The following ATXN1 variants were observed in gnomAD, a reference collection of about 807,000 sequenced individuals.
ATXN1 encodes the protein ataxin 1.
In ATXN1, 8 loss-of-function variants were observed where a neutral mutation model predicts 56.4. That is an observed-to-expected ratio of 0.14 (90% CI 0.08 to 0.26). The LOEUF (loss-of-function observed/expected upper bound fraction) is 0.26, where lower values mean the gene tolerates loss of function less well. Ranked by LOEUF, ATXN1 falls within the 10% of genes least tolerant of loss-of-function variation. ATXN1 has a pLI of 1.00. For synonymous variants in ATXN1, 514 were observed against 494.6 expected, an observed-to-expected ratio of 1.04 and a Z score of -0.52; for missense variants, 987 against 1,106.5, an observed-to-expected ratio of 0.89 and a Z score of 1.53.
intron 2 of ATXN1, among the ~76,000 whole-genome samples, chr6:16,672,070 C>T (rs185825480): frequency 6.6e-6 from 1 of 152,262 alleles, no homozygotes; most frequent in African/African-American, 2.4e-5. Flanking sequence ...TGGGCCCCAC[C>T]CCTGACCTAT....
chr6:16,407,101 G>A (rs922079135), intron 6 of ATXN1, among the ~76,000 whole-genome samples: 3 of 152,168 alleles, frequency 2.0e-5, no homozygotes, highest in Admixed American at 6.5e-5. Context: ...AGTTCACAGC[G>A]GCAGGAGACT....
At chr6:16,715,844 A>G (rs975887010) in intron 2 of ATXN1, among the ~76,000 whole-genome samples, 1 of 152,148 alleles carries the variant, frequency 6.6e-6, no homozygotes, top group African/African-American at 2.4e-5. Flanking sequence ...TACTTTTCCA[A>G]CTAGATTTCC....
At chr6:16,384,416 C>T (rs1487178935) in intron 6 of ATXN1, among the ~76,000 whole-genome samples, 1 of 152,188 alleles carries the variant, frequency 6.6e-6, no homozygotes, top group Non-Finnish European at 1.5e-5. Context: ...TATTCATTCC[C>T]ACTTCAGTTC....
At chr6:16,539,616 C>A (rs1239190590) in intron 4 of ATXN1, among the ~76,000 whole-genome samples, 1 of 152,162 alleles carries the variant, frequency 6.6e-6, no homozygotes, top group Non-Finnish European at 1.5e-5. Flanking sequence ...GCCATCATTT[C>A]TTTAAAACTA....
intron 7 of ATXN1, among the ~76,000 whole-genome samples, chr6:16,319,082 G>A (rs1581685932): frequency 6.6e-6 from 1 of 152,158 alleles, no homozygotes; most frequent in African/African-American, 2.4e-5. Context: ...GCTGGGCGTG[G>A]TGGTGTGTAC....
chr6:16,682,369 G>A (rs1478673399), intron 2 of ATXN1, among the ~76,000 whole-genome samples: 1 of 151,910 alleles, frequency 6.6e-6, no homozygotes, highest in Admixed American at 6.6e-5. Flanking sequence ...GCTAATTTTT[G>A]TATTTTTAGT....
intron 6 of ATXN1, among the ~76,000 whole-genome samples, chr6:16,330,613 C>T (rs1760965827): frequency 6.6e-6 from 1 of 152,084 alleles, no homozygotes; most frequent in Admixed American, 6.5e-5. Flanking sequence ...TGGTCTTGAA[C>T]AGGCCTCAGT....
intron 6 of ATXN1, among the ~76,000 whole-genome samples, chr6:16,346,009 G>A (rs191704397): frequency 6.6e-6 from 1 of 152,312 alleles, no homozygotes; most frequent in East Asian, 1.9e-4. Flanking sequence ...GAGGCACACT[G>A]TCAAATTGAC....
At chr6:16,411,058 G>A (rs1428240234) in intron 6 of ATXN1, among the ~76,000 whole-genome samples, 1 of 150,008 alleles carries the variant, frequency 6.7e-6, no homozygotes, top group African/African-American at 2.5e-5. Context: ...CTGGGAGGCG[G>A]AGGTTGCAGT....
intron 6 of ATXN1, among the ~76,000 whole-genome samples, chr6:16,436,677 T>C (rs538317381): frequency 6.6e-6 from 1 of 151,916 alleles, no homozygotes; most frequent in African/African-American, 2.4e-5. Flanking sequence ...CGAGGTGGTG[T>C]TCCTGGCACT....
intron 2 of ATXN1, among the ~76,000 whole-genome samples, chr6:16,723,427 C>T (rs1235931551): frequency 6.6e-6 from 1 of 152,142 alleles, no homozygotes. Flanking sequence ...ACTATAAAAA[C>T]TAAGCTACAA....
At chr6:16,706,584 G>A (rs1263767669) in intron 2 of ATXN1, among the ~76,000 whole-genome samples, 1 of 152,062 alleles carries the variant, frequency 6.6e-6, no homozygotes, top group African/African-American at 2.4e-5. Flanking sequence ...AATGGTCCGT[G>A]CGTGGTAGTG....
intron 3 of ATXN1, among the ~76,000 whole-genome samples, chr6:16,638,026 A>G (rs1033048771): frequency 4.0e-4 from 61 of 152,214 alleles, no homozygotes; most frequent in African/African-American, 1.5e-3. Flanking sequence ...TGTTTTAATT[A>G]ATGCATACAT....
chr6:16,668,216 A>C (rs1330350319), intron 2 of ATXN1, among the ~76,000 whole-genome samples: 1 of 151,866 alleles, frequency 6.6e-6, no homozygotes, highest in African/African-American at 2.4e-5. Context: ...TTTTATTACT[A>C]AAGTTTTAGG....
intron 6 of ATXN1, among the ~76,000 whole-genome samples, chr6:16,470,037 C>A (rs935814096): frequency 6.6e-6 from 1 of 151,778 alleles, no homozygotes; most frequent in African/African-American, 2.4e-5. Context: ...ACACTCATAT[C>A]CATAGCAGCA....
chr6:16,515,515 C>T (rs542250211), intron 5 of ATXN1, among the ~76,000 whole-genome samples: 3 of 152,160 alleles, frequency 2.0e-5, no homozygotes, highest in Non-Finnish European at 4.4e-5. Flanking sequence ...GGTTTCTCTT[C>T]ACCACATAAT....
intron 6 of ATXN1, among the ~76,000 whole-genome samples, chr6:16,371,116 G>C (rs1228974596): frequency 3.3e-5 from 5 of 152,066 alleles, no homozygotes; most frequent in African/African-American, 1.2e-4. Flanking sequence ...GTGAAAGAAT[G>C]GTTTGCAAAG....
intron 2 of ATXN1, among the ~76,000 whole-genome samples, chr6:16,726,574 T>A (rs1759855004): frequency 1.3e-5 from 2 of 151,846 alleles, no homozygotes; most frequent in Admixed American, 1.3e-4. Context: ...TGACATAGAA[T>A]AATTTCTTGG....
chr6:16,730,147 G>A (rs1759936065), intron 2 of ATXN1, among the ~76,000 whole-genome samples: 1 of 152,132 alleles, frequency 6.6e-6, no homozygotes, highest in Non-Finnish European at 1.5e-5. Flanking sequence ...GTCGGGCATG[G>A]TGGTGCACGC....
Sources: allele counts gnomAD v4.1 joint callset (sites outside exome capture counted in the v4.1 genomes callset), GRCh38; gene constraint gnomAD v4.1.1; transcripts MANE v1.5; gene names NCBI Gene and HGNC (gene_info 2026-07-23, HGNC 2026-07-21).